Variants in TFEC observed in about 807,000 individuals in gnomAD.
The protein encoded by TFEC is transcription factor EC.
TFEC carries 31 observed loss-of-function variants against 41.6 expected under a neutral mutation model. That is an observed-to-expected ratio of 0.74 (90% CI 0.56 to 1.01). The LOEUF (loss-of-function observed/expected upper bound fraction) is 1.01, where lower values mean the gene tolerates loss of function less well. Ranked by LOEUF, TFEC falls within the 50% of genes least tolerant of loss-of-function variation. TFEC has a pLI of 0.00. For missense variants in TFEC, 402 were observed against 404.1 expected, an observed-to-expected ratio of 0.99 and a Z score of 0.04; for synonymous variants, 143 against 140.6, an observed-to-expected ratio of 1.02 and a Z score of -0.12.
intron 1 of TFEC, among the ~76,000 whole-genome samples, chr7:116,027,225 T>G (rs914587347): frequency 2.0e-5 from 3 of 152,134 alleles, no homozygotes; most frequent in Non-Finnish European, 4.4e-5. Context: ...TGAGGAAAGA[T>G]GCCGCATAGA....
Position 116,030,761 on chromosome 7 carries a change from AAT to A in TFEC, c.-203_-202del. 2.0e-6 allele frequency: 2 copies of A among 985,398 alleles called. No individual in the cohort carries two copies. The highest frequency in any genetic ancestry group is 2.4e-6 in the Non-Finnish European group (2 of 829,926). The allele number at this position is 985,398 out of a possible 1,614,324, so 61.0% of individuals were successfully genotyped here. ...GTAAACGATCTAGCCGTGAGTAATG[AAT>A]ACTTTGGGCTGGTTGGAATCCAGTT... is the stretch of plus-strand genomic sequence containing the variant. On this transcript the variant is annotated 5_prime_UTR_variant, in exon 1 of 8. Transcript: ENST00000265440.
chr7:116,023,784 A>G (rs1232495139), intron 1 of TFEC, among the ~76,000 whole-genome samples: 1 of 152,136 alleles, frequency 6.6e-6, no homozygotes, highest in Non-Finnish European at 1.5e-5. Flanking sequence ...AATGCTAAAT[A>G]TCATTATCAT....
At chr7:116,100,764 A>G (rs1008367413) in intron 3 of TFEC, among the ~76,000 whole-genome samples, 71 of 152,084 alleles carry the variant, frequency 4.7e-4, no homozygotes, top group Admixed American at 4.4e-3. Context: ...TTACAGTATT[A>G]TGTGGGCTAT....
At chr7:116,021,491 C>T (rs1795393062) in intron 1 of TFEC, among the ~76,000 whole-genome samples, 1 of 152,168 alleles carries the variant, frequency 6.6e-6, no homozygotes, top group Non-Finnish European at 1.5e-5. Context: ...ACATTGTCAG[C>T]TCTAGCAAGC....
At chr7:115,971,987 A>C (rs1409569296) in intron 3 of TFEC, among the ~76,000 whole-genome samples, 2 of 152,076 alleles carry the variant, frequency 1.3e-5, no homozygotes, top group Non-Finnish European at 2.9e-5. Flanking sequence ...TAATATACTT[A>C]CTCAAAGCTT....
intron 3 of TFEC, among the ~76,000 whole-genome samples, chr7:116,100,235 T>A (rs867977998): frequency 7.9e-5 from 12 of 152,338 alleles, no homozygotes; most frequent in Non-Finnish European, 1.5e-4. Flanking sequence ...TTTCTTATCA[T>A]CTATTTGAAA....
chr7:116,049,586 C>T (rs548686652), intron 3 of TFEC, among the ~76,000 whole-genome samples: 3 of 152,292 alleles, frequency 2.0e-5, no homozygotes, highest in East Asian at 3.9e-4. Flanking sequence ...AGAAAGTTAA[C>T]AAGGATATAC....
At chr7:116,090,764 A>G (rs116390670) in intron 3 of TFEC, among the ~76,000 whole-genome samples, 107 of 152,248 alleles carry the variant, frequency 7.0e-4, no homozygotes, top group African/African-American at 2.4e-3. Flanking sequence ...GTGCTCAAAA[A>G]TGTTTACCGA....
At chr7:116,107,640 C>A (rs1797751296) in intron 3 of TFEC, among the ~76,000 whole-genome samples, 1 of 152,074 alleles carries the variant, frequency 6.6e-6, no homozygotes, top group Admixed American at 6.6e-5. Context: ...AAATAGCAGC[C>A]AACAAATTCT....
At chr7:115,973,024 G>C (rs138238091) in intron 3 of TFEC, among the ~76,000 whole-genome samples, 1 of 152,048 alleles carries the variant, frequency 6.6e-6, no homozygotes, top group East Asian at 1.9e-4. Flanking sequence ...TAGTTTTCAT[G>C]TCACTATGGC....
intron 3 of TFEC, among the ~76,000 whole-genome samples, chr7:116,051,115 G>C (rs1030285661): frequency 2.0e-5 from 3 of 152,164 alleles, no homozygotes; most frequent in African/African-American, 4.8e-5. Flanking sequence ...CTTGGATGCA[G>C]GGTGGGGAAC....
At chr7:116,114,898 C>T (rs1033581473) in intron 1 of TFEC, among the ~76,000 whole-genome samples, 7 of 151,788 alleles carry the variant, frequency 4.6e-5, no homozygotes, top group East Asian at 1.9e-4. Flanking sequence ...CCCCCCTCCC[C>T]GCCACCCCCC....
intron 1 of TFEC, among the ~76,000 whole-genome samples, chr7:116,148,214 C>T (rs1457034035): frequency 1.3e-5 from 2 of 152,130 alleles, no homozygotes; most frequent in East Asian, 3.8e-4. Context: ...ACCCAGTGAG[C>T]AGGGGCCAAT....
intron 1 of TFEC, among the ~76,000 whole-genome samples, chr7:116,146,352 A>G (rs950451794): frequency 4.6e-5 from 7 of 152,194 alleles, no homozygotes; most frequent in African/African-American, 1.7e-4. Flanking sequence ...AGCCTTGAAA[A>G]AAGAGCATTA....
At chr7:115,945,032 A>G (rs1791455130) in intron 6 of TFEC, among the ~76,000 whole-genome samples, 1 of 150,010 alleles carries the variant, frequency 6.7e-6, no homozygotes, top group Non-Finnish European at 1.5e-5. Flanking sequence ...ATAGTCTGAT[A>G]TACTTTTTAT....
At chr7:116,144,667 A>ATCATAT (rs1209375773) in intron 1 of TFEC, among the ~76,000 whole-genome samples, 2 of 152,184 alleles carry the variant, frequency 1.3e-5, no homozygotes, top group Non-Finnish European at 2.9e-5. Context: ...TGACATTTAC[A>ATCATAT]TCAGTAGACT....
rs1232289559 is a variant in TFEC, at chr7:115,948,184, G to T, written c.515+2690C>A. Among the ~76,000 whole-genome samples the T allele has an allele frequency of 4.6e-5, 7 of 151,516 alleles. No homozygotes were observed. The South Asian group carries it at 1.3e-3, about 27-fold the overall frequency. On this transcript the variant is annotated intron_variant, in intron 6 of 7. Transcript: ENST00000265440. ...ATCTCTGAATAGACCAATAACAGGA[G>T]CTGAAATTGTGGCAATAATCAATAG...
At position 115,984,288 on chromosome 7, in the gene TFEC, T is replaced by C; in HGVS notation, c.154A>G (p.Lys52Glu). 1.2e-6 allele frequency: 2 copies of C among 1,614,118 alleles called. No homozygotes were observed. Among genetic ancestry groups the C allele is most frequent in the Non-Finnish European group, 1.7e-6 (2 of 1,179,956 alleles). Residue 52 changes from lysine to glutamate, a missense_variant, in exon 2 of 8, where the codon AAA becomes GAA. Coordinates refer to ENST00000265440, the MANE Select transcript of TFEC (RefSeq NM_012252.4). ...TGCCATTGTGCATTGTCATCTTCTT[T>C]CCCAATAGCTAGTAACTTGGTGAGT... ...NPLTKLLAIG[K>E]EDDNAQWHME...
chr7:116,062,330 C>G (rs1036907914), intron 3 of TFEC, among the ~76,000 whole-genome samples: 2 of 147,412 alleles, frequency 1.4e-5, no homozygotes, highest in South Asian at 4.3e-4. Flanking sequence ...TGATCCACCC[C>G]ACTTGGCCTC....
Sources: allele counts gnomAD v4.1 joint callset (sites outside exome capture counted in the v4.1 genomes callset), GRCh38; gene constraint gnomAD v4.1.1; transcripts MANE v1.5; gene names NCBI Gene and HGNC (gene_info 2026-07-23, HGNC 2026-07-21).